SEPTIN10: variants seen among roughly 807,000 people sequenced by gnomAD.
SEPTIN10 encodes the protein septin 10.
Under a neutral mutation model 54.8 loss-of-function variants are expected in SEPTIN10, and 66 were observed. That is an observed-to-expected ratio of 1.21 (90% CI 0.99 to 1.48). The LOEUF (loss-of-function observed/expected upper bound fraction) is 1.48. SEPTIN10 is among the 40% of genes most tolerant of loss of function. SEPTIN10 has a pLI of 0.00. For missense variants in SEPTIN10, 620 were observed against 545.6 expected (o/e 1.14, Z -1.36); for synonymous variants, 161 against 181.0 (o/e 0.89, Z 0.89).
chr2:109,568,057 T>C, intron 5 of SEPTIN10, 81 bp from the exon 6 acceptor site: 2 of 1,097,632 alleles, frequency 1.8e-6, no homozygotes, highest in South Asian at 3.3e-5. Context: ...TCAAAACTGT[T>C]CATTCTGACA....
rs1362199080 is a variant in SEPTIN10, at chr2:109,613,867, C to T, written c.-40G>A. ...GCACGGTGAAGCGGCTGTATCAGCCCGGCCCCGAGCGGCTGGTCCCGGCGA... is the reference window on the plus strand; with the variant it reads ...GCACGGTGAAGCGGCTGTATCAGCCTGGCCCCGAGCGGCTGGTCCCGGCGA... On this transcript the variant is annotated 5_prime_UTR_variant, in exon 1 of 11. Transcript: ENST00000397712. The T allele has an allele frequency of 2.4e-6, 3 of 1,230,502 alleles. No homozygotes were observed. Among genetic ancestry groups the T allele is most frequent in the African/African-American group, 3.1e-5 (2 of 64,120 alleles). The allele number at this position is 1,230,502 out of a possible 1,614,324, so 76.2% of individuals were successfully genotyped here.
At chr2:109,568,599 C>T (rs1687621364) in intron 5 of SEPTIN10, among the ~76,000 whole-genome samples, 1 of 152,122 alleles carries the variant, frequency 6.6e-6, no homozygotes, top group Admixed American at 6.6e-5. Context: ...CTCACATTTT[C>T]TTCTCTCTCA....
chr2:109,580,670 C>T (rs1478191877), intron 4 of SEPTIN10, among the ~76,000 whole-genome samples: 2 of 152,144 alleles, frequency 1.3e-5, no homozygotes, highest in Non-Finnish European at 2.9e-5. Flanking sequence ...GATAGAGGAA[C>T]TGGGACTGGA....
At chr2:109,569,850 A>T (rs1687942956) in intron 5 of SEPTIN10, among the ~76,000 whole-genome samples, 1 of 152,186 alleles carries the variant, frequency 6.6e-6, no homozygotes, top group African/African-American at 2.4e-5. Context: ...CAATGGCGTA[A>T]GAGAAGATAA....
intron 4 of SEPTIN10, among the ~76,000 whole-genome samples, chr2:109,576,833 A>G (rs1185062040): frequency 6.6e-6 from 1 of 151,830 alleles, no homozygotes; most frequent in Non-Finnish European, 1.5e-5. Flanking sequence ...AGTAAAAGAC[A>G]CAGAAGATAT....
intron 5 of SEPTIN10, among the ~76,000 whole-genome samples, chr2:109,569,846 C>T (rs376163195): frequency 6.8e-6 from 1 of 146,810 alleles, no homozygotes; most frequent in African/African-American, 2.7e-5. Flanking sequence ...TCACCAATGG[C>T]GTAAGAGAAG....
chr2:109,609,615 CAAAAAA>C (rs59667245), intron 1 of SEPTIN10, among the ~76,000 whole-genome samples: 2 of 97,968 alleles, frequency 2.0e-5, no homozygotes. Flanking sequence ...GACTCCGCCT[CAAAAAA>C]AAAAAAAAAA....
chr2:109,546,061 C>T lies in SEPTIN10; in HGVS notation c.1338G>A (p.Lys446=). The T allele has an allele frequency of 6.3e-7, 1 of 1,587,388 alleles. No individual in the cohort carries two copies. The highest frequency in any genetic ancestry group is 1.8e-5 in the Admixed American group (1 of 55,416). The change falls in exon 10 of 11, where the codon AAG becomes AAA. Residue 446 remains lysine, a synonymous_variant. Transcript: ENST00000397712. ...LATGSNLRKD[K]DRKNSNFL is the part of the protein sequence containing the mutation. Reference sequence around the variant, plus strand: ...GCTGGGCCTCTTACTTCTTACGGTCCTTGTCCTTCCTCAGGTTGCTGCCTG... The same window carrying T: ...GCTGGGCCTCTTACTTCTTACGGTCTTTGTCCTTCCTCAGGTTGCTGCCTG...
chr2:109,597,174 G>A (rs1230219992), intron 1 of SEPTIN10, among the ~76,000 whole-genome samples: 1 of 152,004 alleles, frequency 6.6e-6, no homozygotes, highest in African/African-American at 2.4e-5. Context: ...CTCCTGAGCT[G>A]AAGCAACTTG....
intron 5 of SEPTIN10, among the ~76,000 whole-genome samples, chr2:109,572,609 CTTT>C (rs60520770): frequency 5.2e-4 from 58 of 111,188 alleles, no homozygotes; most frequent in African/African-American, 2.1e-3. Flanking sequence ...TTTAAAACAA[CTTT>C]TTTTTTTTTT....
rs57096452 is a variant in SEPTIN10 at position 109,548,775 on chromosome 2, C to CAAAAAA, written c.1162-2544_1162-2539dup. Among the ~76,000 whole-genome samples the CAAAAAA allele has an allele frequency of 4.6e-4, 29 of 63,594 alleles. 1 individual carries two copies. Among genetic ancestry groups the CAAAAAA allele is most frequent in the Non-Finnish European group, 2.4e-4 (8 of 33,330 alleles). 41.7% of individuals were successfully genotyped at this position (63,594 alleles called of 152,430 possible). A position where few individuals can be genotyped will look rare whatever the true frequency, so the allele number is the denominator to read the frequency against. On this transcript the variant is annotated intron_variant, in intron 9 of 10. Transcript: ENST00000397712. ...TGGGCCACAGAGTTAGGCTCCATCT[C>CAAAAAA]AAAAAAAAAAAAAAAAAAAAAAAAA...
At position 109,545,475 on chromosome 2, in the gene SEPTIN10, T is replaced by A. The variant is rs572232181; in HGVS notation, c.1349+575A>T. 297 of 1,536,186 alleles carry A rather than the reference T, an allele frequency of 1.9e-4. 2 individuals carry two copies. The African/African-American group carries it at 3.8e-3, about 20-fold the overall frequency. On this transcript the variant is annotated intron_variant, in intron 10 of 10. Coordinates refer to ENST00000397712, the MANE Select transcript of SEPTIN10 (RefSeq NM_144710.5). The stretch of plus-strand genomic sequence containing the variant: ...CCCTCTCTACCTTTCTCTGCGTCTT[T>A]ACGTCCACCATTGGTTTCACAAGCT...
chr2:109,601,715 G>A (rs1362354586), intron 1 of SEPTIN10, among the ~76,000 whole-genome samples: 1 of 150,254 alleles, frequency 6.7e-6, no homozygotes, highest in South Asian at 2.1e-4. Context: ...TTTTCTTTAC[G>A]GCTTCTTCCT....
intron 1 of SEPTIN10, among the ~76,000 whole-genome samples, chr2:109,609,818 C>T (rs547091748): frequency 2.0e-5 from 3 of 152,112 alleles, no homozygotes; most frequent in South Asian, 2.1e-4. Flanking sequence ...ATTTGGTCAC[C>T]ACTTAAAAGG....
intron 2 of SEPTIN10, among the ~76,000 whole-genome samples, chr2:109,588,850 TAAAA>T (rs59135205): frequency 1.8e-5 from 2 of 111,448 alleles, no homozygotes; most frequent in African/African-American, 3.6e-5. Context: ...CAATTACTAT[TAAAA>T]AAAAAAAAAA....
chr2:109,549,246 A>G (rs1682197504), intron 9 of SEPTIN10, among the ~76,000 whole-genome samples: 1 of 152,220 alleles, frequency 6.6e-6, no homozygotes, highest in South Asian at 2.1e-4. Flanking sequence ...GGAAGCAGCA[A>G]GGGCAGGTTT....
chr2:109,545,370 G>T, intron 10 of SEPTIN10: 1 of 1,515,450 alleles, frequency 6.6e-7, no homozygotes, highest in South Asian at 1.2e-5. Flanking sequence ...TTGGGTAACT[G>T]ATTTTAACAC....
chr2:109,562,937 G>A (rs1686049284), intron 8 of SEPTIN10, among the ~76,000 whole-genome samples: 1 of 151,338 alleles, frequency 6.6e-6, no homozygotes, highest in Non-Finnish European at 1.5e-5. Flanking sequence ...TTGAGATGGA[G>A]TCTCGCTCTG....
chr2:109,544,261 A>G lies in SEPTIN10; in HGVS notation c.*48T>C, dbSNP rs1314708229. ...AAAGCACACTTCTAGTTTTTTTTTA[A>G]TAAAGTTTGCTTGTGATGATGACCT... On this transcript the variant is annotated 3_prime_UTR_variant, in exon 11 of 11. Transcript: ENST00000397712. The G allele has an allele frequency of 6.2e-7, 1 of 1,612,948 alleles. No individual in the cohort carries two copies.
Sources: gnomAD v4.1 joint callset for allele counts (sites outside exome capture counted in the v4.1 genomes callset) on GRCh38, gnomAD v4.1.1 for gene constraint, MANE v1.5 for transcripts, NCBI Gene and HGNC (gene_info 2026-07-23, HGNC 2026-07-21) for gene names.